The following KCNIP4 variants were observed in gnomAD, a reference collection of about 807,000 sequenced individuals.
KCNIP4 encodes potassium voltage-gated channel interacting protein 4, also known as Kv channel-interacting protein 4.
Under a neutral mutation model 34.0 loss-of-function variants are expected in KCNIP4, and 12 were observed. That is an observed-to-expected ratio of 0.35 (90% CI 0.23 to 0.57). The LOEUF (loss-of-function observed/expected upper bound fraction) is 0.57. KCNIP4 is among the 20% of genes least tolerant of loss of function. The pLI, the probability that KCNIP4 is intolerant of heterozygous loss-of-function variation, is 0.83. For synonymous variants in KCNIP4, 124 were observed against 102.2 expected (o/e 1.21, Z -1.29); for missense variants, 238 against 311.7 (o/e 0.76, Z 1.78).
intron 1 of KCNIP4, among the ~76,000 whole-genome samples, chr4:21,301,601 A>T (rs1711713019): frequency 6.6e-6 from 1 of 152,170 alleles, no homozygotes; most frequent in Non-Finnish European, 1.5e-5. Flanking sequence ...CTCAGGCGAA[A>T]AGAAATCGGA....
At chr4:21,928,630 G>C (rs1275642811) in intron 1 of KCNIP4, among the ~76,000 whole-genome samples, 1 of 152,074 alleles carries the variant, frequency 6.6e-6, no homozygotes, top group Non-Finnish European at 1.5e-5. Flanking sequence ...CAAATGAAGA[G>C]AGACTACAGT....
intron 1 of KCNIP4, among the ~76,000 whole-genome samples, chr4:21,726,465 G>C (rs895467559): frequency 1.3e-5 from 2 of 152,086 alleles, no homozygotes; most frequent in Non-Finnish European, 2.9e-5. Flanking sequence ...CCTAACTATG[G>C]GATGACCTAG....
intron 1 of KCNIP4, among the ~76,000 whole-genome samples, chr4:21,673,644 T>TA (rs1749666994): frequency 6.6e-6 from 1 of 152,182 alleles, no homozygotes; most frequent in African/African-American, 2.4e-5. Flanking sequence ...AATGAGGTGT[T>TA]ACCTGATTTT....
At chr4:21,815,959 A>C (rs1229669503) in intron 1 of KCNIP4, among the ~76,000 whole-genome samples, 2 of 152,208 alleles carry the variant, frequency 1.3e-5, no homozygotes, top group African/African-American at 2.4e-5. Context: ...CAATAAAAAA[A>C]GTTCAATTTC....
intron 1 of KCNIP4, among the ~76,000 whole-genome samples, chr4:20,948,247 G>A (rs1225427924): frequency 6.6e-6 from 1 of 152,192 alleles, no homozygotes; most frequent in Non-Finnish European, 1.5e-5. Flanking sequence ...AAGAGAATGT[G>A]AGTCAATATA....
chr4:21,247,820 T>TATATATATACAC (rs767314805), intron 1 of KCNIP4, among the ~76,000 whole-genome samples: 2 of 101,174 alleles, frequency 2.0e-5, no homozygotes, highest in African/African-American at 4.5e-5. Flanking sequence ...TATATATATA[T>TATATATATACAC]ACACACACAC....
intron 1 of KCNIP4, among the ~76,000 whole-genome samples, chr4:21,018,237 C>A (rs576709037): frequency 2.5e-4 from 38 of 152,252 alleles, no homozygotes; most frequent in African/African-American, 8.7e-4. Flanking sequence ...TTTCTTAGCT[C>A]CTTGACGTTT....
In KCNIP4 at chr4:21,467,073, A is replaced by AC. The variant is rs1730022810; in HGVS notation, c.61+481497_61+481498insG. On this transcript the variant is annotated intron_variant, in intron 1 of 8. Transcript: ENST00000382152. ...AACCAAACCAAACCAAACCAAAACA[A>AC]ACACACACACACACACACACACACA... 6.1e-3 allele frequency among the ~76,000 whole-genome samples: 859 copies of AC among 139,734 alleles called. 4 individuals are homozygous for AC. The highest frequency in any genetic ancestry group is 0.011 in the Non-Finnish European group (678 of 64,090). The allele number at this position is 139,734 out of a possible 152,430, so 91.7% of individuals were successfully genotyped here.
intron 1 of KCNIP4, among the ~76,000 whole-genome samples, chr4:21,834,779 T>C (rs1723214589): frequency 6.6e-6 from 1 of 151,974 alleles, no homozygotes; most frequent in African/African-American, 2.4e-5. Flanking sequence ...CAATACTTAA[T>C]TTATTGAGAG....
intron 1 of KCNIP4, among the ~76,000 whole-genome samples, chr4:21,271,828 G>T (rs1188879348): frequency 1.3e-5 from 2 of 152,158 alleles, no homozygotes; most frequent in African/African-American, 4.8e-5. Context: ...TGCTGGTTTG[G>T]CAGTGATTTA....
intron 1 of KCNIP4, among the ~76,000 whole-genome samples, chr4:21,619,218 T>A (rs1262487896): frequency 6.6e-6 from 1 of 152,202 alleles, no homozygotes; most frequent in African/African-American, 2.4e-5. Context: ...CATTTAATGC[T>A]TAGATATTCA....
At chr4:21,470,850 C>T (rs1229021505) in intron 1 of KCNIP4, among the ~76,000 whole-genome samples, 11 of 151,914 alleles carry the variant, frequency 7.2e-5, no homozygotes, top group Admixed American at 7.2e-4. Flanking sequence ...TCTTTGAAAA[C>T]CTAAAATCAT....
intron 1 of KCNIP4, among the ~76,000 whole-genome samples, chr4:20,957,866 T>C (rs1733473131): frequency 6.6e-6 from 1 of 152,210 alleles, no homozygotes; most frequent in Non-Finnish European, 1.5e-5. Context: ...ATAGGAGATA[T>C]CTTTGGCTCT....
chr4:21,004,860 A>C (rs1738425064), intron 1 of KCNIP4, among the ~76,000 whole-genome samples: 1 of 151,962 alleles, frequency 6.6e-6, no homozygotes, highest in Non-Finnish European at 1.5e-5. Flanking sequence ...ACGGGATTCA[A>C]AAATGCTAAA....
chr4:21,934,996 C>T (rs1349043323), intron 1 of KCNIP4, among the ~76,000 whole-genome samples: 1 of 152,078 alleles, frequency 6.6e-6, no homozygotes, highest in African/African-American at 2.4e-5. Flanking sequence ...CAATTTCTTT[C>T]TTCTGTCCTC....
At chr4:20,964,320 T>A (rs995068845) in intron 1 of KCNIP4, among the ~76,000 whole-genome samples, 1 of 152,164 alleles carries the variant, frequency 6.6e-6, no homozygotes, top group African/African-American at 2.4e-5. Flanking sequence ...GACCATAGTA[T>A]CCAATGACAG....
intron 1 of KCNIP4, among the ~76,000 whole-genome samples, chr4:21,824,334 C>T (rs1043296390): frequency 5.9e-5 from 9 of 152,134 alleles, no homozygotes; most frequent in African/African-American, 1.2e-4. Flanking sequence ...ATTAGAAATA[C>T]GGTTTAGGAG....
At chr4:21,040,215 C>G (rs28535163) in intron 1 of KCNIP4, among the ~76,000 whole-genome samples, 4,219 of 152,206 alleles carry the variant, frequency 0.028, 180 homozygotes, top group African/African-American at 0.095. Flanking sequence ...ATATCATGCT[C>G]CAAAGAATTG....
At chr4:21,245,769 C>G (rs560010609) in intron 1 of KCNIP4, among the ~76,000 whole-genome samples, 1 of 152,004 alleles carries the variant, frequency 6.6e-6, no homozygotes, top group Non-Finnish European at 1.5e-5. Flanking sequence ...AATCCTCTAT[C>G]GCTAACAACA....
Sources: gnomAD v4.1 joint callset for allele counts (sites outside exome capture counted in the v4.1 genomes callset) on GRCh38, gnomAD v4.1.1 for gene constraint, MANE v1.5 for transcripts, NCBI Gene and HGNC (gene_info 2026-07-23, HGNC 2026-07-21) for gene names.